Variants in PPHLN1 observed in about 807,000 individuals in gnomAD.
The protein encoded by PPHLN1 is periphilin-1.
PPHLN1 carries 29 observed loss-of-function variants against 51.3 expected under a neutral mutation model. The ratio of observed to expected loss-of-function variants is 0.57; its 90% confidence interval spans 0.42 to 0.77. The LOEUF (loss-of-function observed/expected upper bound fraction) is 0.77, where lower values mean the gene tolerates loss of function less well. Ranked by LOEUF, PPHLN1 falls within the 30% of genes least tolerant of loss-of-function variation. The pLI, the probability that PPHLN1 is intolerant of heterozygous loss-of-function variation, is 0.00. For missense variants in PPHLN1, 436 were observed against 438.4 expected, an observed-to-expected ratio of 0.99 and a Z score of 0.05; for synonymous variants, 147 against 147.8, an observed-to-expected ratio of 0.99 and a Z score of 0.04.
intron 5 of PPHLN1, among the ~76,000 whole-genome samples, chr12:42,378,750 A>C (rs2076520207): frequency 1.3e-5 from 2 of 152,132 alleles, no homozygotes; most frequent in Admixed American, 1.3e-4. Context: ...ACATTTAATT[A>C]AATCTCTTCT....
Position 42,430,202 on chromosome 12 carries a change from T to C in PPHLN1, c.910-11113T>C, listed in dbSNP as rs530599536. 2.6e-5 allele frequency among the ~76,000 whole-genome samples: 4 copies of C among 152,238 alleles called. No homozygotes were observed. In the South Asian group the frequency reaches 8.3e-4, roughly 32 times the overall value. On this transcript the variant is annotated intron_variant, in intron 9 of 9. Transcript: ENST00000358314. ...ACCAAAGGCCAATGATCTAATCAAC[T>C]GTGTTTTTGTGATGGGTCTTCGATT... is the stretch of plus-strand genomic sequence containing the variant.
At chr12:42,397,104 AC>A (rs980314659) in intron 8 of PPHLN1, among the ~76,000 whole-genome samples, 2 of 150,772 alleles carry the variant, frequency 1.3e-5, no homozygotes, top group Non-Finnish European at 2.9e-5. Context: ...TTTAAAATTT[AC>A]GACTTATGTT....
chr12:42,445,826 C>T, downstream of PPHLN1: 1 of 901,344 alleles, frequency 1.1e-6, no homozygotes. Flanking sequence ...TGATAAATTT[C>T]AGTCAGCTAT....
rs1242994433 is a variant in PPHLN1, at chr12:42,415,501, A to G, written c.909+16507A>G. On this transcript the variant is annotated intron_variant, in intron 9 of 9. Coordinates refer to ENST00000358314, the MANE Select transcript of PPHLN1 (RefSeq NM_201439.2). ...CTGTCATTTTCTTTGACCAACAGGC[A>G]GTTTTTGTTTTCTCATTCATCTTTT... Among the ~76,000 whole-genome samples, 3 of 152,164 alleles carry G rather than the reference A, an allele frequency of 2.0e-5. No homozygotes were observed. In the East Asian group the frequency reaches 5.8e-4, roughly 29 times the overall value.
At chr12:42,379,099 T>C (rs2076547728) in intron 5 of PPHLN1, among the ~76,000 whole-genome samples, 1 of 152,032 alleles carries the variant, frequency 6.6e-6, no homozygotes, top group South Asian at 2.1e-4. Context: ...TTGTCAATTC[T>C]AATACTTATT....
At chr12:42,414,161 A>G (rs946040689) in intron 9 of PPHLN1, among the ~76,000 whole-genome samples, 8 of 151,864 alleles carry the variant, frequency 5.3e-5, no homozygotes, top group African/African-American at 1.9e-4. Flanking sequence ...CTGTCTCCCG[A>G]GTAGCTGGGA....
chr12:42,424,839 G>C (rs769684904), intron 9 of PPHLN1, among the ~76,000 whole-genome samples: 3 of 152,034 alleles, frequency 2.0e-5, no homozygotes, highest in Non-Finnish European at 2.9e-5. Context: ...AAAAATGAAA[G>C]TTTTTCTAAG....
intron 9 of PPHLN1, among the ~76,000 whole-genome samples, chr12:42,402,714 A>G (rs1241457140): frequency 1.3e-5 from 2 of 152,224 alleles, no homozygotes; most frequent in Non-Finnish European, 2.9e-5. Context: ...TTAAATTAAA[A>G]TAAGTTTTTA....
At chr12:42,402,210 G>T (rs2078908752) in intron 9 of PPHLN1, among the ~76,000 whole-genome samples, 1 of 152,158 alleles carries the variant, frequency 6.6e-6, no homozygotes, top group Admixed American at 6.5e-5. Flanking sequence ...GATTATTTTG[G>T]TGTTCTTTTC....
Position 42,352,077 on chromosome 12 carries a change from T to A in PPHLN1, c.237+28T>A, listed in dbSNP as rs757909669. On this transcript the variant is annotated intron_variant, in intron 3 of 9. Transcript: ENST00000358314. ...ATGTAAATTTCCCCCATGTACTAAT[T>A]GTTATTTCTTATAAGTTTAAAATTA... is the stretch of plus-strand genomic sequence containing the variant. The A allele has an allele frequency of 2.9e-6, 4 of 1,394,490 alleles. No individual in the cohort carries two copies. In the Admixed American group the frequency reaches 1.2e-4, roughly 41 times the overall value. 86.4% of individuals were successfully genotyped at this position (1,394,490 alleles called of 1,614,324 possible).
intron 4 of PPHLN1, among the ~76,000 whole-genome samples, chr12:42,357,066 C>T (rs956413348): frequency 1.3e-5 from 2 of 152,076 alleles, no homozygotes; most frequent in Non-Finnish European, 2.9e-5. Flanking sequence ...GGAATAAACT[C>T]ACCAAAAGAG....
chr12:42,328,292 TAGA>T (rs372922878), intron 1 of PPHLN1, among the ~76,000 whole-genome samples: 1 of 152,122 alleles, frequency 6.6e-6, no homozygotes, highest in Non-Finnish European at 1.5e-5. Context: ...TTGGAGAGAA[TAGA>T]AGGTTAGATA....
chr12:42,442,970 G>A, downstream of PPHLN1: 2 of 530,854 alleles, frequency 3.8e-6, no homozygotes, highest in Non-Finnish European at 6.2e-6. Context: ...TGGACCTAGA[G>A]CTTTGGGAAA....
At chr12:42,412,034 G>C (rs1160594424) in intron 9 of PPHLN1, among the ~76,000 whole-genome samples, 1 of 151,534 alleles carries the variant, frequency 6.6e-6, no homozygotes, top group African/African-American at 2.4e-5. Flanking sequence ...GTGAAACCCC[G>C]TCTCTACTAA....
chr12:42,365,612 TC>T (rs146855856), intron 4 of PPHLN1, among the ~76,000 whole-genome samples: 21,128 of 152,200 alleles, frequency 0.14, 1,581 homozygotes, highest in East Asian at 0.2. Context: ...TCTAAAGTAA[TC>T]TGCAATCACA....
At chr12:42,438,893 C>T (rs554826523) in intron 9 of PPHLN1, among the ~76,000 whole-genome samples, 2 of 152,272 alleles carry the variant, frequency 1.3e-5, no homozygotes, top group East Asian at 1.9e-4. Flanking sequence ...TGAGCCACTG[C>T]GCCCGGCCCT....
intron 9 of PPHLN1, among the ~76,000 whole-genome samples, chr12:42,436,554 T>C (rs1165278900): frequency 1.3e-5 from 2 of 152,184 alleles, no homozygotes; most frequent in Non-Finnish European, 2.9e-5. Context: ...CAAAAAACCT[T>C]CCACCTATTA....
chr12:42,397,540 ATTGTGTATAGG>A (rs2139270202), intron 8 of PPHLN1, among the ~76,000 whole-genome samples: 2 of 129,100 alleles, frequency 1.5e-5, no homozygotes, highest in Non-Finnish European at 3.4e-5. Flanking sequence ...CAGTTTACAC[ATTGTGTATAGG>A]CCTATGTCTT....
intron 9 of PPHLN1, among the ~76,000 whole-genome samples, chr12:42,420,100 G>A (rs1349374167): frequency 6.6e-6 from 1 of 152,104 alleles, no homozygotes; most frequent in African/African-American, 2.4e-5. Flanking sequence ...AGCTATATGG[G>A]GTAAATACTG....
Sources: allele counts gnomAD v4.1 joint callset (sites outside exome capture counted in the v4.1 genomes callset), GRCh38; gene constraint gnomAD v4.1.1; transcripts MANE v1.5; gene names NCBI Gene and HGNC (gene_info 2026-07-23, HGNC 2026-07-21).